HDAC9: variants seen among roughly 807,000 people sequenced by gnomAD.
The protein encoded by HDAC9 is MEF-2 interacting transcription repressor (MITR) protein.
A neutral mutation model predicts 139.4 loss-of-function variants in HDAC9; 41 were observed. The observed-to-expected ratio is 0.29, with a 90% CI of 0.23 to 0.38. The LOEUF (loss-of-function observed/expected upper bound fraction) is 0.38. Ranked by LOEUF, HDAC9 falls within the 10% of genes least tolerant of loss-of-function variation. HDAC9 has a pLI of 1.00. For missense variants in HDAC9, 1,147 were observed against 1,297.0 expected (o/e 0.88, Z 1.78); for synonymous variants, 517 against 476.2 (o/e 1.09, Z -1.12).
intron 1 of HDAC9, among the ~76,000 whole-genome samples, chr7:18,353,605 T>G (rs1298451203): frequency 1.3e-5 from 2 of 152,164 alleles, no homozygotes; most frequent in African/African-American, 2.4e-5. Context: ...TATGAGGTAA[T>G]TGAAGGAAAT....
chr7:18,822,323 G>C (rs969869023), intron 17 of HDAC9, among the ~76,000 whole-genome samples: 7 of 149,714 alleles, frequency 4.7e-5, no homozygotes, highest in East Asian at 2.0e-4. Context: ...GAGTCCAAGG[G>C]TTTGGTTTTT....
At chr7:18,602,912 C>T (rs1045307522) in intron 6 of HDAC9, among the ~76,000 whole-genome samples, 14 of 152,036 alleles carry the variant, frequency 9.2e-5, no homozygotes, top group African/African-American at 3.1e-4. Flanking sequence ...AGTCTCCAAC[C>T]GTAATAGGTT....
intron 12 of HDAC9, among the ~76,000 whole-genome samples, chr7:18,726,468 C>A (rs1226802314): frequency 6.6e-6 from 1 of 152,144 alleles, no homozygotes; most frequent in African/African-American, 2.4e-5. Flanking sequence ...AGAGCACACA[C>A]ATTTATAAAA....
intron 22 of HDAC9, among the ~76,000 whole-genome samples, chr7:18,895,013 C>A (rs67342505): frequency 0.1 from 15,517 of 151,918 alleles, 896 homozygotes; most frequent in Non-Finnish European, 0.12. Context: ...ACTGAGAATT[C>A]GAATGGGCAA....
chr7:18,913,189 G>A (rs1020272921), intron 22 of HDAC9, among the ~76,000 whole-genome samples: 15 of 152,012 alleles, frequency 9.9e-5, no homozygotes, highest in Admixed American at 5.9e-4. Flanking sequence ...ACTTTCTCCA[G>A]TTCTTATCCA....
At chr7:18,173,139 A>G (rs952611718) in intron 2 of HDAC9, among the ~76,000 whole-genome samples, 3 of 152,108 alleles carry the variant, frequency 2.0e-5, no homozygotes, top group Admixed American at 1.3e-4. Flanking sequence ...GTGCTCCTCT[A>G]TTGGGTGCAT....
At chr7:18,446,510 A>G (rs56378873) in intron 1 of HDAC9, among the ~76,000 whole-genome samples, 2 of 152,312 alleles carry the variant, frequency 1.3e-5, no homozygotes, top group African/African-American at 2.4e-5. Context: ...ATATTCAAAT[A>G]TATTAGGTTT....
In HDAC9 at chr7:18,836,016, C is replaced by A. The variant is rs1326536135; in HGVS notation, c.2684+19C>A. On this transcript the variant is annotated intron_variant, in intron 21 of 25. Coordinates refer to ENST00000686413, the MANE Select transcript of HDAC9 (RefSeq NM_178425.4). Reference sequence around the variant, plus strand: ...CATTCAGGTTGGTACTTCTTTCTCTCTGAAAGTGGCAAATTGGAAAATAAA... The same window carrying A: ...CATTCAGGTTGGTACTTCTTTCTCTATGAAAGTGGCAAATTGGAAAATAAA... 11 of 1,386,422 alleles carry A rather than the reference C, an allele frequency of 7.9e-6. No individual in the cohort carries two copies. Among genetic ancestry groups the A allele is most frequent in the African/African-American group, 1.5e-5 (1 of 68,932 alleles). 85.9% of individuals were successfully genotyped at this position (1,386,422 alleles called of 1,614,324 possible). A position where few individuals can be genotyped will look rare whatever the true frequency, so the allele number is the denominator to read the frequency against.
In HDAC9 at chr7:18,230,222, GA is replaced by G. The variant is rs1273674553; in HGVS notation, c.25+67876del. ...GGGCTGATTTAAGAAAAAGCTGGAT[GA>G]AAGATGTCCAGACCAGCTACATAAT... On this transcript the variant is annotated intron_variant, in intron 2 of 12. Transcript: ENST00000417496. 2.0e-5 allele frequency among the ~76,000 whole-genome samples: 3 copies of G among 152,152 alleles called. No homozygotes were observed. The South Asian group carries it at 6.2e-4, about 32-fold the overall frequency.
At chr7:18,641,736 G>C (rs1184649222) in intron 8 of HDAC9, among the ~76,000 whole-genome samples, 1 of 152,008 alleles carries the variant, frequency 6.6e-6, no homozygotes, top group Non-Finnish European at 1.5e-5. Flanking sequence ...GAAAACACTT[G>C]TGAGCTCACT....
rs1157839737 is a variant in HDAC9, at chr7:18,997,412, A to T, written c.*1350A>T. 1.3e-5 allele frequency: 2 copies of T among 152,152 alleles called. No homozygotes were observed. The highest frequency in any genetic ancestry group is 2.9e-5 in the Non-Finnish European group (2 of 68,004). The allele number at this position is 152,152 out of a possible 1,614,324, so 9.4% of individuals were successfully genotyped here. Reference sequence around the variant, plus strand: ...GATAAAAAGTAACTTACTAAATATAAGTAGGTTATCCTCCTACCTCCTAAA... The same window carrying T: ...GATAAAAAGTAACTTACTAAATATATGTAGGTTATCCTCCTACCTCCTAAA... On this transcript the variant is annotated 3_prime_UTR_variant, in exon 26 of 26. Transcript: ENST00000686413.
At chr7:18,537,132 A>T (rs1190554078) in intron 2 of HDAC9, among the ~76,000 whole-genome samples, 1 of 152,194 alleles carries the variant, frequency 6.6e-6, no homozygotes, top group East Asian at 1.9e-4. Context: ...GTGTATCCTG[A>T]ATAAAAAATT....
intron 1 of HDAC9, among the ~76,000 whole-genome samples, chr7:18,455,983 T>C (rs1416478620): frequency 6.6e-6 from 1 of 152,128 alleles, no homozygotes; most frequent in East Asian, 1.9e-4. Context: ...CAGAAGAAGC[T>C]TTTTTACTTG....
At chr7:18,183,255 C>A (rs1389129691) in intron 2 of HDAC9, among the ~76,000 whole-genome samples, 1 of 152,100 alleles carries the variant, frequency 6.6e-6, no homozygotes. Flanking sequence ...GTGATCCGCC[C>A]GCCTCGGCCT....
At chr7:18,731,070 T>TG (rs1202417591) in intron 13 of HDAC9, among the ~76,000 whole-genome samples, 1 of 151,912 alleles carries the variant, frequency 6.6e-6, no homozygotes, top group Non-Finnish European at 1.5e-5. Flanking sequence ...CAAGCCGGAG[T>TG]GGGGCACTGT....
chr7:18,642,593 G>T (rs925928403), intron 8 of HDAC9, among the ~76,000 whole-genome samples: 1 of 152,022 alleles, frequency 6.6e-6, no homozygotes, highest in Admixed American at 6.6e-5. Context: ...TCTGGCCCAG[G>T]ACACCATGGT....
At chr7:18,435,307 A>G (rs1371323722) in intron 1 of HDAC9, among the ~76,000 whole-genome samples, 3 of 152,148 alleles carry the variant, frequency 2.0e-5, no homozygotes, top group Non-Finnish European at 2.9e-5. Context: ...ATCAGGTGCT[A>G]TGCTCATCAC....
rs151022570 is a variant in HDAC9 at position 18,194,632 on chromosome 7, C to T, written c.25+32283C>T. Among the ~76,000 whole-genome samples, 4 of 152,250 alleles carry T rather than the reference C, an allele frequency of 2.6e-5. No individual in the cohort carries two copies. In the East Asian group the frequency reaches 7.7e-4, roughly 29 times the overall value. ...TAACACTTCTTGAATCATCTAATCCCCTAATTATTTCTCTGGATCCAGTGC... is the reference window on the plus strand; with the variant it reads ...TAACACTTCTTGAATCATCTAATCCTCTAATTATTTCTCTGGATCCAGTGC... On this transcript the variant is annotated intron_variant, in intron 2 of 12. Coordinates refer to the HDAC9 transcript ENST00000417496.
chr7:18,133,728 T>C (rs1785183805), intron 1 of HDAC9, among the ~76,000 whole-genome samples: 2 of 152,078 alleles, frequency 1.3e-5, no homozygotes, highest in Non-Finnish European at 2.9e-5. Flanking sequence ...AAAAAGTGAT[T>C]ATTGTAGAAA....
Sources: allele counts gnomAD v4.1 joint callset (sites outside exome capture counted in the v4.1 genomes callset), GRCh38; gene constraint gnomAD v4.1.1; transcripts MANE v1.5; gene names NCBI Gene and HGNC (gene_info 2026-07-23, HGNC 2026-07-21).